The following NIBAN1 variants were observed in gnomAD, a reference collection of about 807,000 sequenced individuals.
NIBAN1 encodes niban apoptosis regulator 1.
A neutral mutation model predicts 75.1 loss-of-function variants in NIBAN1; 81 were observed. The observed-to-expected ratio is 1.08, with a 90% CI of 0.90 to 1.30. NIBAN1 has a LOEUF of 1.30. Among genes scored for constraint, NIBAN1 ranks in the 50% most tolerant of loss-of-function variants. The probability of loss-of-function intolerance (pLI) is 0.00; values close to 1 mark genes in which losing one functional copy is unlikely to be tolerated. For synonymous variants in NIBAN1, 436 were observed against 424.8 expected, an observed-to-expected ratio of 1.03 and a Z score of -0.32; for missense variants, 1,133 against 1,128.1, an observed-to-expected ratio of 1.00 and a Z score of -0.06.
chr1:184,899,838 C>T (rs1426912710), intron 1 of NIBAN1, among the ~76,000 whole-genome samples: 1 of 119,504 alleles, frequency 8.4e-6, no homozygotes, highest in Non-Finnish European at 1.7e-5. Context: ...TTTCTTGAGA[C>T]AGAGTGTCCA....
chr1:184,858,678 T>G (rs1486039522), intron 5 of NIBAN1, among the ~76,000 whole-genome samples: 1 of 152,148 alleles, frequency 6.6e-6, no homozygotes, highest in Non-Finnish European at 1.5e-5. Context: ...TACCCAGCAA[T>G]CTCTCTTCAC....
chr1:184,961,910 C>T (rs1020148990), intron 1 of NIBAN1, among the ~76,000 whole-genome samples: 15 of 152,200 alleles, frequency 9.9e-5, no homozygotes, highest in Admixed American at 7.2e-4. Context: ...GCTGCAGCCA[C>T]CTTTCAAGCA....
chr1:184,918,589 C>T (rs1164804430), intron 1 of NIBAN1, among the ~76,000 whole-genome samples: 1 of 152,210 alleles, frequency 6.6e-6, no homozygotes, highest in African/African-American at 2.4e-5. Flanking sequence ...CCTATAGACC[C>T]AGATAAATTC....
intron 1 of NIBAN1, among the ~76,000 whole-genome samples, chr1:184,942,436 G>A (rs544796979): frequency 6.6e-6 from 1 of 152,252 alleles, no homozygotes; most frequent in Admixed American, 6.5e-5. Flanking sequence ...GCTCACGCCT[G>A]TAATCCCAGC....
At chr1:184,835,772 A>T (rs894452815) in intron 5 of NIBAN1, among the ~76,000 whole-genome samples, 3 of 152,246 alleles carry the variant, frequency 2.0e-5, no homozygotes, top group African/African-American at 7.2e-5. Flanking sequence ...CTAAATATAC[A>T]ATCATGTCAT....
intron 1 of NIBAN1, among the ~76,000 whole-genome samples, chr1:184,973,631 C>T (rs771373706): frequency 3.3e-5 from 5 of 152,234 alleles, no homozygotes; most frequent in Non-Finnish European, 5.9e-5. Flanking sequence ...CTCACGCTCT[C>T]TACTGAGTCC....
At chr1:184,901,948 G>A (rs1182383705) in intron 1 of NIBAN1, among the ~76,000 whole-genome samples, 1 of 152,178 alleles carries the variant, frequency 6.6e-6, no homozygotes, top group African/African-American at 2.4e-5. Flanking sequence ...AATATCATAT[G>A]TTCTGGGGTG....
At chr1:184,922,251 A>G (rs1006400248) in intron 1 of NIBAN1, among the ~76,000 whole-genome samples, 1 of 152,096 alleles carries the variant, frequency 6.6e-6, no homozygotes, top group Admixed American at 6.5e-5. Context: ...TGTTACAAAC[A>G]ATCCATTTAT....
chr1:184,847,575 C>A (rs1655467441), intron 5 of NIBAN1, among the ~76,000 whole-genome samples: 1 of 7,848 alleles, frequency 1.3e-4, no homozygotes, highest in Non-Finnish European at 1.8e-4. Context: ...AACTAATGAG[C>A]AAAATCACCA....
intron 5 of NIBAN1, among the ~76,000 whole-genome samples, chr1:184,880,463 G>C (rs1428265202): frequency 6.6e-6 from 1 of 152,138 alleles, no homozygotes; most frequent in African/African-American, 2.4e-5. Context: ...GCATCACAAA[G>C]CCCCTTATAG....
At chr1:184,876,705 T>G (rs895638725) in intron 5 of NIBAN1, among the ~76,000 whole-genome samples, 5 of 151,738 alleles carry the variant, frequency 3.3e-5, no homozygotes, top group Non-Finnish European at 5.9e-5. Context: ...AAAAAGAAAT[T>G]GAAAAACTGA....
chr1:184,897,964 G>T (rs889813459), intron 2 of NIBAN1, among the ~76,000 whole-genome samples: 6 of 152,192 alleles, frequency 3.9e-5, no homozygotes, highest in South Asian at 4.2e-4. Flanking sequence ...TCGCCCCATA[G>T]TCTATTCTTT....
At chr1:184,800,690 A>C (rs529520664) in intron 12 of NIBAN1, among the ~76,000 whole-genome samples, 2 of 152,240 alleles carry the variant, frequency 1.3e-5, no homozygotes, top group African/African-American at 2.4e-5. Context: ...ATATGGCGCA[A>C]CTATATCTAC....
At chr1:184,966,987 A>T (rs1042650819) in intron 1 of NIBAN1, among the ~76,000 whole-genome samples, 10 of 152,214 alleles carry the variant, frequency 6.6e-5, no homozygotes, top group Non-Finnish European at 1.2e-4. Context: ...TGCAAAAGTG[A>T]ATTAATTGCT....
At chr1:184,808,479 C>T (rs913253352) in intron 9 of NIBAN1, among the ~76,000 whole-genome samples, 5 of 152,140 alleles carry the variant, frequency 3.3e-5, no homozygotes, top group East Asian at 3.9e-4. Context: ...GAAGACCCAG[C>T]GGTGCACCCA....
intron 5 of NIBAN1, among the ~76,000 whole-genome samples, chr1:184,861,633 G>T (rs565893342): frequency 1.2e-4 from 17 of 141,966 alleles, no homozygotes; most frequent in African/African-American, 4.5e-4. Flanking sequence ...AGGAAGGAAA[G>T]AGAAAAGGAG....
At chr1:184,839,132 C>T (rs946776898) in intron 5 of NIBAN1, among the ~76,000 whole-genome samples, 7 of 152,094 alleles carry the variant, frequency 4.6e-5, no homozygotes, top group Admixed American at 1.3e-4. Flanking sequence ...ATAATCCTTC[C>T]AACAATCCCA....
At chr1:184,964,049 C>T (rs570455530) in intron 1 of NIBAN1, among the ~76,000 whole-genome samples, 1 of 147,776 alleles carries the variant, frequency 6.8e-6, no homozygotes, top group East Asian at 2.0e-4. Flanking sequence ...AACCAAGGGA[C>T]TGGACTAAAT....
At chr1:184,879,636 G>T (rs1486935749) in intron 5 of NIBAN1, among the ~76,000 whole-genome samples, 1 of 152,150 alleles carries the variant, frequency 6.6e-6, no homozygotes, top group Non-Finnish European at 1.5e-5. Flanking sequence ...TGTCTGATTT[G>T]AATTGTAAGG....
Sources: allele counts gnomAD v4.1 joint callset (sites outside exome capture counted in the v4.1 genomes callset), GRCh38; gene constraint gnomAD v4.1.1; transcripts MANE v1.5; gene names NCBI Gene and HGNC (gene_info 2026-07-23, HGNC 2026-07-21).